Variants in C2orf76 observed in about 807,000 individuals in gnomAD.
C2orf76 encodes the protein chromosome 2 open reading frame 76, also known as UPF0538 protein C2orf76.
Under a neutral mutation model 16.9 loss-of-function variants are expected in C2orf76, and 23 were observed. The ratio of observed to expected loss-of-function variants is 1.36; its 90% CI spans 0.98 to 1.93. The LOEUF is 1.93. C2orf76 is among the 30% of genes most tolerant of loss of function. The pLI, the probability that C2orf76 is intolerant of heterozygous loss-of-function variation, is 0.00. For synonymous variants in C2orf76, 48 were observed against 52.3 expected (o/e 0.92, Z 0.35); for missense variants, 152 against 152.6 (o/e 1.00, Z 0.02).
At chr2:119,327,242 G>A (rs889804507) in intron 2 of C2orf76, among the ~76,000 whole-genome samples, 2 of 150,480 alleles carry the variant, frequency 1.3e-5, no homozygotes, top group Non-Finnish European at 3.0e-5. Flanking sequence ...AGCTTGAAAA[G>A]AGTTTTTAGC....
intron 1 of C2orf76, among the ~76,000 whole-genome samples, chr2:119,355,593 C>A (rs1196066708): frequency 3.9e-5 from 6 of 152,172 alleles, no homozygotes; most frequent in Non-Finnish European, 7.3e-5. Context: ...GGAATAAACT[C>A]CTCCTCTCAG....
At chr2:119,332,305 C>T (rs922042175) in intron 2 of C2orf76, among the ~76,000 whole-genome samples, 2 of 151,970 alleles carry the variant, frequency 1.3e-5, no homozygotes, top group Admixed American at 6.6e-5. Context: ...AAAACTAAGC[C>T]AATGACTAAT....
downstream of C2orf76, among the ~76,000 whole-genome samples, chr2:119,297,887 G>C (rs976888975): frequency 6.6e-6 from 1 of 152,166 alleles, no homozygotes; most frequent in Non-Finnish European, 1.5e-5. Context: ...AAATAACCTA[G>C]ATGGAAATAT....
At chr2:119,352,375 A>C (rs1229314927) in intron 1 of C2orf76, among the ~76,000 whole-genome samples, 1 of 152,242 alleles carries the variant, frequency 6.6e-6, no homozygotes, top group East Asian at 1.9e-4. Context: ...GTTCAATTAA[A>C]TTTGGCCTAA....
At chr2:119,329,762 C>G (rs558544460) in intron 2 of C2orf76, among the ~76,000 whole-genome samples, 1 of 152,228 alleles carries the variant, frequency 6.6e-6, no homozygotes, top group Admixed American at 6.5e-5. Flanking sequence ...TTCTCCTCTG[C>G]TGGCCTTTGT....
At chr2:119,307,140 G>T (rs1678816028) in intron 5 of C2orf76, among the ~76,000 whole-genome samples, 1 of 151,982 alleles carries the variant, frequency 6.6e-6, no homozygotes, top group Non-Finnish European at 1.5e-5. Context: ...AAATTCCCTA[G>T]AAAAATCACA....
At chr2:119,289,651 A>G in the C2orf76 span, among the ~76,000 whole-genome samples, 1 of 150,746 alleles carries the variant, frequency 6.6e-6, no homozygotes, top group African/African-American at 2.4e-5. Flanking sequence ...GTACCACTGC[A>G]CTCCAGCCTG....
intron 1 of C2orf76, among the ~76,000 whole-genome samples, chr2:119,350,657 A>C (rs551375577): frequency 6.6e-6 from 1 of 152,314 alleles, no homozygotes; most frequent in East Asian, 1.9e-4. Flanking sequence ...GGAGGGAAGC[A>C]TAGCTTGGAA....
At chr2:119,348,082 T>C (rs976810630) in intron 1 of C2orf76, among the ~76,000 whole-genome samples, 2 of 151,606 alleles carry the variant, frequency 1.3e-5, no homozygotes, top group Non-Finnish European at 2.9e-5. Flanking sequence ...ACTAGACCAT[T>C]GTTAACTGTT....
At position 119,321,184 on chromosome 2, in the gene C2orf76, G is replaced by T; in HGVS notation, c.154C>A (p.Leu52Met). The change falls in exon 3 of 6, where the codon CTG (leucine) becomes ATG (methionine). Residue 52 changes from leucine (L) to methionine (M), a missense_variant. Transcript: ENST00000334816. ...LKQDIPLRTN[L>M]PPPFRNYKYD... ...TTATAATTTCTGAATGGTGGTGGCA[G>T]GTTGGTCCTTAAAGGGATATCTACA... The T allele has an allele frequency of 1.4e-6, 2 of 1,443,492 alleles. No individual in the cohort carries two copies. Among genetic ancestry groups the T allele is most frequent in the Non-Finnish European group, 1.9e-6 (2 of 1,062,776 alleles). 89.4% of individuals were successfully genotyped at this position (1,443,492 alleles called of 1,614,324 possible). A position where few individuals can be genotyped will look rare whatever the true frequency, so the allele number is the denominator to read the frequency against.
At chr2:119,357,741 T>G (rs1049742402) in intron 1 of C2orf76, among the ~76,000 whole-genome samples, 1 of 151,842 alleles carries the variant, frequency 6.6e-6, no homozygotes, top group African/African-American at 2.4e-5. Context: ...AGTGAAACAA[T>G]GCAAGACAAG....
chr2:119,366,950 T>G, upstream of C2orf76: 4 of 1,473,078 alleles, frequency 2.7e-6, no homozygotes, highest in Non-Finnish European at 3.8e-6. Flanking sequence ...TTGGGGCGAG[T>G]GGACCGCGCC....
At chr2:119,325,444 A>T (rs1440309851) in intron 2 of C2orf76, among the ~76,000 whole-genome samples, 1 of 138,654 alleles carries the variant, frequency 7.2e-6, no homozygotes, top group East Asian at 2.2e-4. Context: ...TGGGCGACAG[A>T]GCAAGACTGT....
downstream of C2orf76, among the ~76,000 whole-genome samples, chr2:119,301,630 T>G (rs1246509241): frequency 6.6e-6 from 1 of 152,186 alleles, no homozygotes; most frequent in Non-Finnish European, 1.5e-5. Flanking sequence ...TCTGATTAAA[T>G]GCAGCCTGAC....
At chr2:119,335,848 A>G (rs1679829178) in intron 2 of C2orf76, among the ~76,000 whole-genome samples, 1 of 152,212 alleles carries the variant, frequency 6.6e-6, no homozygotes, top group Admixed American at 6.5e-5. Context: ...TAACCATGAG[A>G]AAAACATCAG....
intron 2 of C2orf76, among the ~76,000 whole-genome samples, chr2:119,321,459 T>C (rs949846661): frequency 6.6e-6 from 1 of 152,114 alleles, no homozygotes; most frequent in Admixed American, 6.5e-5. Flanking sequence ...CTCACAATCA[T>C]GGCAGGTGAA....
chr2:119,289,677 T>C, the C2orf76 span, among the ~76,000 whole-genome samples: 72 of 145,734 alleles, frequency 4.9e-4, no homozygotes, highest in African/African-American at 1.8e-3. Context: ...AGAGTGAGAC[T>C]CCGTCTCAAG....
At chr2:119,338,795 G>C (rs1679933525) in intron 2 of C2orf76, 1 of 152,204 alleles carries the variant, frequency 6.6e-6, no homozygotes, top group Admixed American at 6.5e-5. Context: ...ATAGGGAAAG[G>C]GTGATCTGAA....
chr2:119,337,495 CAGAGT>C (rs1157833644), intron 2 of C2orf76, among the ~76,000 whole-genome samples: 1 of 152,096 alleles, frequency 6.6e-6, no homozygotes, highest in Non-Finnish European at 1.5e-5. Flanking sequence ...GTACCTGATA[CAGAGT>C]AATGTTTGCT....
Sources: allele counts gnomAD v4.1 joint callset (sites outside exome capture counted in the v4.1 genomes callset), GRCh38; gene constraint gnomAD v4.1.1; transcripts MANE v1.5; gene names NCBI Gene and HGNC (gene_info 2026-07-23, HGNC 2026-07-21).